SOX5: variants seen among roughly 807,000 people sequenced by gnomAD.
SOX5 encodes the protein transcription factor SOX-5.
A neutral mutation model predicts 92.0 loss-of-function variants in SOX5; 9 were observed. The observed-to-expected ratio is 0.10, with a 90% CI of 0.06 to 0.17. The LOEUF is 0.17. SOX5 is among the 10% of genes least tolerant of loss of function. The pLI is 1.00. For synonymous variants in SOX5, 344 were observed against 336.3 expected, an observed-to-expected ratio of 1.02 and a Z score of -0.25; for missense variants, 642 against 944.5, an observed-to-expected ratio of 0.68 and a Z score of 4.20.
chr12:23,714,064 C>G (rs1353190138), intron 6 of SOX5, among the ~76,000 whole-genome samples: 1 of 148,156 alleles, frequency 6.7e-6, no homozygotes, highest in African/African-American at 2.5e-5. Context: ...TGCACCCAGA[C>G]TAGGTGACAA....
At chr12:23,851,069 C>A (rs1266292583) in intron 2 of SOX5, among the ~76,000 whole-genome samples, 1 of 150,806 alleles carries the variant, frequency 6.6e-6, no homozygotes, top group Admixed American at 6.6e-5. Flanking sequence ...TTTAAAAAAC[C>A]AGTTGCTTGC....
chr12:24,108,702 C>T (rs1946975330), intron 4 of SOX5, among the ~76,000 whole-genome samples: 2 of 152,236 alleles, frequency 1.3e-5, no homozygotes, highest in South Asian at 2.1e-4. Flanking sequence ...CTCTGATATA[C>T]TGTATATGCA....
At chr12:24,375,889 C>A (rs765747952) in intron 1 of SOX5, among the ~76,000 whole-genome samples, 2 of 152,132 alleles carry the variant, frequency 1.3e-5, no homozygotes, top group Non-Finnish European at 2.9e-5. Context: ...ACTCCAACCG[C>A]TTTTAAAAAG....
intron 1 of SOX5, among the ~76,000 whole-genome samples, chr12:24,515,920 C>A (rs943120742): frequency 2.0e-5 from 3 of 152,086 alleles, no homozygotes; most frequent in Non-Finnish European, 2.9e-5. Context: ...TGCTCTTATT[C>A]TATTCTTTAT....
chr12:24,068,124 G>A (rs903013956), intron 4 of SOX5, among the ~76,000 whole-genome samples: 5 of 152,122 alleles, frequency 3.3e-5, no homozygotes, highest in Non-Finnish European at 5.9e-5. Flanking sequence ...CAGCCTGGGC[G>A]ACAGAGGGAG....
intron 1 of SOX5, among the ~76,000 whole-genome samples, chr12:24,430,154 A>G (rs577140846): frequency 1.3e-5 from 2 of 152,322 alleles, no homozygotes; most frequent in Admixed American, 1.3e-4. Context: ...AAACTGGAGA[A>G]TAGACACGAT....
At chr12:23,942,648 G>A (rs1478325029) in intron 1 of SOX5, among the ~76,000 whole-genome samples, 1 of 93,666 alleles carries the variant, frequency 1.1e-5, no homozygotes, top group Non-Finnish European at 2.0e-5. Context: ...AATCATATAA[G>A]GCTCTGAGGC....
intron 4 of SOX5, among the ~76,000 whole-genome samples, chr12:23,992,891 T>C (rs1950695313): frequency 6.6e-6 from 1 of 152,188 alleles, no homozygotes; most frequent in Non-Finnish European, 1.5e-5. Flanking sequence ...GACTCTATGC[T>C]GGCATTGCCT....
chr12:24,455,006 C>G (rs1480573339), intron 1 of SOX5, among the ~76,000 whole-genome samples: 3 of 152,208 alleles, frequency 2.0e-5, no homozygotes, highest in Non-Finnish European at 4.4e-5. Flanking sequence ...CAGAGCCTCA[C>G]ACCTCGTTTA....
At chr12:23,874,628 AAG>A (rs2096908081) in intron 2 of SOX5, among the ~76,000 whole-genome samples, 1 of 152,108 alleles carries the variant, frequency 6.6e-6, no homozygotes, top group South Asian at 2.1e-4. Context: ...GAGTTATAAG[AAG>A]AGAGAGAGAG....
Position 24,222,164 on chromosome 12 carries a change from C to CA in SOX5, c.-76-8748dup, listed in dbSNP as rs1555181882. On this transcript the variant is annotated intron_variant, in intron 3 of 4. Coordinates refer to the SOX5 transcript ENST00000446891. ...AGTGGACAGCTCCTCTTTTCCCCCC[C>CA]ACCACCAAGCACATGGCAGGCCATT... Among the ~76,000 whole-genome samples the CA allele has an allele frequency of 6.6e-5, 10 of 152,130 alleles. No homozygotes were observed. The South Asian group carries it at 1.5e-3, about 22-fold the overall frequency.
chr12:24,273,947 T>C (rs1944106687), intron 3 of SOX5, among the ~76,000 whole-genome samples: 1 of 152,224 alleles, frequency 6.6e-6, no homozygotes, highest in African/African-American at 2.4e-5. Context: ...ACTATATTCC[T>C]AGCTCTATTT....
chr12:24,004,217 A>T (rs1417172453), intron 4 of SOX5, among the ~76,000 whole-genome samples: 2 of 152,024 alleles, frequency 1.3e-5, no homozygotes, highest in Non-Finnish European at 2.9e-5. Context: ...ACAGAAAAAA[A>T]AAAAATCTTC....
In SOX5 at chr12:23,780,369, T is replaced by C. The variant is rs1034257850; in HGVS notation, c.482-24645A>G. On this transcript the variant is annotated intron_variant, in intron 3 of 14. Coordinates refer to ENST00000451604, the MANE Select transcript of SOX5 (RefSeq NM_006940.6). The stretch of plus-strand genomic sequence containing the variant: ...ACACTTTGTTAGGTATTTTATAGAT[T>C]TTTTTCTTCAATTATAAAAGATTGG... 3.3e-5 allele frequency among the ~76,000 whole-genome samples: 5 copies of C among 152,062 alleles called. No homozygotes were observed. In the East Asian group the frequency reaches 9.7e-4, roughly 29 times the overall value.
chr12:23,599,612 T>C (rs1592435986), intron 9 of SOX5, among the ~76,000 whole-genome samples: 1 of 152,310 alleles, frequency 6.6e-6, no homozygotes, highest in Non-Finnish European at 1.5e-5. Context: ...TTTAATAGTA[T>C]TTACAAGTTG....
chr12:23,794,276 C>T lies in SOX5; in HGVS notation c.482-38552G>A, dbSNP rs560077593. 9.9e-5 allele frequency among the ~76,000 whole-genome samples: 15 copies of T among 151,974 alleles called. No individual in the cohort carries two copies. In the South Asian group the frequency reaches 1.2e-3, roughly 13 times the overall value. On this transcript the variant is annotated intron_variant, in intron 3 of 14. Transcript: ENST00000451604. ...CCTAATACTTATTTACTTAAATAAACGTTTATATAGGTTCACTTATAAATC... is the reference window on the plus strand; with the variant it reads ...CCTAATACTTATTTACTTAAATAAATGTTTATATAGGTTCACTTATAAATC...
chr12:24,004,709 A>G (rs1336155077), intron 4 of SOX5, among the ~76,000 whole-genome samples: 2 of 152,172 alleles, frequency 1.3e-5, no homozygotes, highest in African/African-American at 4.8e-5. Context: ...ACAGTTTAGC[A>G]GTTTCATAAA....
At chr12:23,715,582 A>G (rs2092428375) in intron 6 of SOX5, among the ~76,000 whole-genome samples, 1 of 152,182 alleles carries the variant, frequency 6.6e-6, no homozygotes, top group African/African-American at 2.4e-5. Context: ...TAAGTACCTT[A>G]ACAACTTTTA....
At chr12:23,701,593 C>T (rs1400758586) in intron 6 of SOX5, among the ~76,000 whole-genome samples, 2 of 152,084 alleles carry the variant, frequency 1.3e-5, no homozygotes, top group South Asian at 4.2e-4. Context: ...TTATGAATTC[C>T]CTCAACATTT....
Sources: gnomAD v4.1 joint callset for allele counts (sites outside exome capture counted in the v4.1 genomes callset) on GRCh38, gnomAD v4.1.1 for gene constraint, MANE v1.5 for transcripts, NCBI Gene and HGNC (gene_info 2026-07-23, HGNC 2026-07-21) for gene names.